TP63: variants seen among roughly 807,000 people sequenced by gnomAD.
TP63 encodes the protein tumor protein p63.
Under a neutral mutation model 82.8 loss-of-function variants are expected in TP63, and 17 were observed. The ratio of observed to expected loss-of-function variants is 0.21; its 90% CI spans 0.14 to 0.31. The LOEUF is 0.31. Ranked by LOEUF, TP63 falls within the 10% of genes least tolerant of loss-of-function variation. TP63 has a pLI of 1.00. For missense variants in TP63, 648 were observed against 895.3 expected (o/e 0.72, Z 3.52); for synonymous variants, 330 against 321.7 (o/e 1.03, Z -0.28).
chr3:189,759,675 G>A (rs1722426693), intron 3 of TP63, among the ~76,000 whole-genome samples: 1 of 152,170 alleles, frequency 6.6e-6, no homozygotes, highest in Non-Finnish European at 1.5e-5. Context: ...TTTAAAACAT[G>A]GAATCAATAG....
intron 1 of TP63, among the ~76,000 whole-genome samples, chr3:189,674,744 A>T (rs1191045889): frequency 6.6e-6 from 1 of 152,088 alleles, no homozygotes; most frequent in Non-Finnish European, 1.5e-5. Context: ...ATACACATAA[A>T]ATGAGCTTTA....
chr3:189,820,972 C>T (rs1728737535), intron 4 of TP63, among the ~76,000 whole-genome samples: 1 of 152,132 alleles, frequency 6.6e-6, no homozygotes, highest in Non-Finnish European at 1.5e-5. Flanking sequence ...GAACACAGTG[C>T]ATTTTCTTCA....
intron 4 of TP63, among the ~76,000 whole-genome samples, chr3:189,829,348 A>G (rs1378554847): frequency 6.6e-6 from 1 of 152,216 alleles, no homozygotes; most frequent in Admixed American, 6.5e-5. Context: ...TTGACACTAA[A>G]TATGAGTTTT....
At chr3:189,663,225 G>A (rs1463990888) in intron 1 of TP63, among the ~76,000 whole-genome samples, 12 of 152,006 alleles carry the variant, frequency 7.9e-5, no homozygotes, top group Admixed American at 7.9e-4. Context: ...ACGACATTGA[G>A]TTCTGTACAA....
the TP63 span, among the ~76,000 whole-genome samples, chr3:189,603,589 T>G: frequency 0.12 from 16,579 of 144,090 alleles, 1,045 homozygotes; most frequent in East Asian, 0.23. Flanking sequence ...GGACACCCCA[T>G]GTAAACATCA....
At chr3:189,801,134 T>G (rs756292685) in intron 3 of TP63, among the ~76,000 whole-genome samples, 12 of 152,192 alleles carry the variant, frequency 7.9e-5, no homozygotes, top group Non-Finnish European at 1.5e-4. Context: ...AAGGATGCAT[T>G]ACTGCTGGGC....
intron 4 of TP63, among the ~76,000 whole-genome samples, chr3:189,822,627 C>T (rs1223272945): frequency 6.6e-6 from 1 of 152,150 alleles, no homozygotes; most frequent in African/African-American, 2.4e-5. Flanking sequence ...TTCTGATGTA[C>T]AAGTGCCTTC....
At chr3:189,599,434 CTCTT>C in the TP63 span, among the ~76,000 whole-genome samples, 2 of 152,142 alleles carry the variant, frequency 1.3e-5, no homozygotes, top group Non-Finnish European at 2.9e-5. Flanking sequence ...TTCTCAGAGA[CTCTT>C]TCTGTTTTTG....
chr3:189,876,094 A>G (rs549947795), intron 10 of TP63, among the ~76,000 whole-genome samples: 1 of 152,296 alleles, frequency 6.6e-6, no homozygotes, highest in South Asian at 2.1e-4. Flanking sequence ...TCTGAGTTTG[A>G]AGAAAGCTCT....
chr3:189,700,347 A>G (rs1276839031), intron 1 of TP63, among the ~76,000 whole-genome samples: 1 of 152,150 alleles, frequency 6.6e-6, no homozygotes. Flanking sequence ...GTTTCAACAA[A>G]CACTTACTGA....
chr3:189,686,737 T>TG (rs1716477195), intron 1 of TP63, among the ~76,000 whole-genome samples: 1 of 149,246 alleles, frequency 6.7e-6, no homozygotes, highest in Non-Finnish European at 1.5e-5. Context: ...CAGGGTTTTT[T>TG]TTTTTTTTTT....
chr3:189,824,285 T>G (rs907984544), intron 4 of TP63, among the ~76,000 whole-genome samples: 1 of 152,136 alleles, frequency 6.6e-6, no homozygotes, highest in East Asian at 1.9e-4. Flanking sequence ...GGCACAATCT[T>G]GGCTCACTGC....
At chr3:189,698,249 G>A (rs1354187749) in intron 1 of TP63, among the ~76,000 whole-genome samples, 1 of 151,900 alleles carries the variant, frequency 6.6e-6, no homozygotes, top group East Asian at 1.9e-4. Context: ...ATGGATATCG[G>A]ATGTTGTCAA....
At chr3:189,674,038 A>T (rs1255602861) in intron 1 of TP63, among the ~76,000 whole-genome samples, 1 of 152,146 alleles carries the variant, frequency 6.6e-6, no homozygotes, top group African/African-American at 2.4e-5. Context: ...TGATAGCGTA[A>T]GTGAAGATTA....
chr3:189,851,673 G>A (rs1243096730), intron 4 of TP63, among the ~76,000 whole-genome samples: 9 of 152,272 alleles, frequency 5.9e-5, no homozygotes, highest in South Asian at 4.1e-4. Context: ...AAGGGCAGGC[G>A]GTCCCCCTGC....
At chr3:189,643,619 A>T (rs1712130736) in intron 1 of TP63, among the ~76,000 whole-genome samples, 1 of 152,118 alleles carries the variant, frequency 6.6e-6, no homozygotes, top group African/African-American at 2.4e-5. Context: ...TATCAATGTG[A>T]CTGTTTTTTC....
At chr3:189,667,531 A>C (rs1168298679) in intron 1 of TP63, among the ~76,000 whole-genome samples, 1 of 152,026 alleles carries the variant, frequency 6.6e-6, no homozygotes, top group Non-Finnish European at 1.5e-5. Flanking sequence ...AGCTAATTTG[A>C]GTAGGAACCC....
At chr3:189,768,932 T>A (rs1723141747) in intron 3 of TP63, among the ~76,000 whole-genome samples, 1 of 152,116 alleles carries the variant, frequency 6.6e-6, no homozygotes, top group African/African-American at 2.4e-5. Context: ...CAATCTAGGG[T>A]CAGAACAAAA....
chr3:189,751,332 C>T (rs1464052155), intron 3 of TP63, among the ~76,000 whole-genome samples: 1 of 152,164 alleles, frequency 6.6e-6, no homozygotes, highest in Admixed American at 6.5e-5. Context: ...TGGGTATATA[C>T]CCAGTAATGG....
Sources: allele counts gnomAD v4.1 joint callset (sites outside exome capture counted in the v4.1 genomes callset), GRCh38; gene constraint gnomAD v4.1.1; transcripts MANE v1.5; gene names NCBI Gene and HGNC (gene_info 2026-07-23, HGNC 2026-07-21).